RALGPS2: variants seen among roughly 807,000 people sequenced by gnomAD.
RALGPS2 encodes the protein Ral GEF with PH domain and SH3 binding motif 2.
A neutral mutation model predicts 86.8 loss-of-function variants in RALGPS2; 43 were observed. That is an observed-to-expected ratio of 0.50 (90% CI 0.39 to 0.64). The LOEUF (loss-of-function observed/expected upper bound fraction) is 0.64, where lower values mean the gene tolerates loss of function less well. Ranked by LOEUF, RALGPS2 falls within the 30% of genes least tolerant of loss-of-function variation. The probability of loss-of-function intolerance (pLI) is 0.00; values close to 1 mark genes in which losing one functional copy is unlikely to be tolerated. For missense variants in RALGPS2, 536 were observed against 694.6 expected (o/e 0.77, Z 2.57); for synonymous variants, 243 against 231.3 (o/e 1.05, Z -0.46).
intron 1 of RALGPS2, among the ~76,000 whole-genome samples, chr1:178,767,527 G>A (rs532637755): frequency 2.0e-5 from 3 of 152,200 alleles, no homozygotes; most frequent in South Asian, 2.1e-4. Flanking sequence ...TTTATTGGAT[G>A]TTCTGATCCA....
chr1:178,747,210 C>A (rs1036396667), intron 1 of RALGPS2: 2 of 1,317,706 alleles, frequency 1.5e-6, no homozygotes, highest in Non-Finnish European at 2.2e-6. Flanking sequence ...CGGTGGATCA[C>A]CACAGGTCCA....
chr1:178,893,920 T>C lies in RALGPS2; in HGVS notation c.1327T>C (p.Ser443Pro). ...GTGTTCTTTTCTTCGTTATTATAGT[T>C]CTGCAGAATCAGAAGATTTGGCAGT... ...GYRSHMKASS[S>P]AESEDLAVHL... Residue 443 changes from serine (S) to proline (P), a missense_variant and splice_region_variant, in exon 16 of 20, where the codon TCT becomes CCT. Physicochemically the swap from Ser to Pro is moderately conservative, Grantham distance 74. Coordinates refer to ENST00000367635, the MANE Select transcript of RALGPS2 (RefSeq NM_152663.5). 6.3e-7 allele frequency: 1 copy of C among 1,588,458 alleles called. No homozygotes were observed. The highest frequency in any genetic ancestry group is 8.6e-7 in the Non-Finnish European group (1 of 1,158,934).
At chr1:178,845,008 C>T (rs1307231118) in intron 8 of RALGPS2, among the ~76,000 whole-genome samples, 2 of 151,504 alleles carry the variant, frequency 1.3e-5, no homozygotes, top group South Asian at 2.1e-4. Flanking sequence ...GGCAAAACCA[C>T]GTCTCTACTA....
intron 8 of RALGPS2, chr1:178,852,842 T>C: frequency 1.9e-6 from 3 of 1,613,952 alleles, no homozygotes. Context: ...TAGACTTTTT[T>C]ATCACTCCAG....
Position 178,892,260 on chromosome 1 carries a change from G to A in RALGPS2, c.1278G>A (p.Val426=). Residue 426 remains valine (V), a synonymous_variant, in exon 15 of 20, where the codon GTG becomes GTA. Transcript: ENST00000367635. ...GATTATACCATTCTCTCGGCCCGGT[G>A]ACAAGAGTGGCACGAAATGGCTATC... ...RNRLYHSLGP[V]TRVARNGYRS... 1 of 1,612,736 alleles carries A rather than the reference G, an allele frequency of 6.2e-7. No homozygotes were observed. The highest frequency in any genetic ancestry group is 8.5e-7 in the Non-Finnish European group (1 of 1,179,114).
Position 178,906,708 on chromosome 1 carries a change from A to G in RALGPS2, c.1631-68A>G. The G allele has an allele frequency of 3.1e-6, 4 of 1,273,932 alleles. No homozygotes were observed. In the South Asian group the frequency reaches 3.9e-5, roughly 13 times the overall value. The allele number at this position is 1,273,932 out of a possible 1,614,324, so 78.9% of individuals were successfully genotyped here. A position where few individuals can be genotyped will look rare whatever the true frequency, so the allele number is the denominator to read the frequency against. The stretch of plus-strand genomic sequence containing the variant: ...AGTCATGTTTAATTTGCTCATTATT[A>G]TCTGGCAGAATTATTATGTGTCGTC... On this transcript the variant is annotated intron_variant, in intron 18 of 19. Coordinates refer to ENST00000367635, the MANE Select transcript of RALGPS2 (RefSeq NM_152663.5).
In RALGPS2 at chr1:178,917,409, T is replaced by C. The variant is rs1368289679; in HGVS notation, c.*1050T>C. The C allele has an allele frequency of 6.6e-6, 1 of 152,168 alleles. No homozygotes were observed. Among genetic ancestry groups the C allele is most frequent in the East Asian group, 1.9e-4 (1 of 5,202 alleles). 9.4% of individuals were successfully genotyped at this position (152,168 alleles called of 1,614,324 possible). A position where few individuals can be genotyped will look rare whatever the true frequency, so the allele number is the denominator to read the frequency against. ...TTTTATTATTCATTTTCTCTCTTTT[T>C]GTTCAATATGAGATTCAGGATCATA... is the stretch of plus-strand genomic sequence containing the variant. On this transcript the variant is annotated 3_prime_UTR_variant, in exon 20 of 20. Coordinates refer to ENST00000367635, the MANE Select transcript of RALGPS2 (RefSeq NM_152663.5).
At chr1:178,729,419 C>T (rs914190385) in intron 1 of RALGPS2, among the ~76,000 whole-genome samples, 2 of 152,020 alleles carry the variant, frequency 1.3e-5, no homozygotes, top group African/African-American at 2.4e-5. Flanking sequence ...GTATCTGACA[C>T]GTAGTGATGC....
Position 178,784,299 on chromosome 1 carries a change from T to C in RALGPS2, c.58-119T>C, listed in dbSNP as rs1653543001. On this transcript the variant is annotated intron_variant, in intron 2 of 19. Coordinates refer to ENST00000367635, the MANE Select transcript of RALGPS2 (RefSeq NM_152663.5). Reference sequence around the variant, plus strand: ...AACTAAGCAGCATGTTGTGCTCAGCTTTTCTGCAGCATTTGTTAACCTACT... The same window carrying C: ...AACTAAGCAGCATGTTGTGCTCAGCCTTTCTGCAGCATTTGTTAACCTACT... 6.5e-6 allele frequency: 4 copies of C among 616,182 alleles called. No homozygotes were observed. The East Asian group carries it at 1.2e-4, about 19-fold the overall frequency. The allele number at this position is 616,182 out of a possible 1,614,324, so 38.2% of individuals were successfully genotyped here.
At chr1:178,729,826 T>G (rs373993425) in intron 1 of RALGPS2, among the ~76,000 whole-genome samples, 2 of 152,278 alleles carry the variant, frequency 1.3e-5, no homozygotes, top group Admixed American at 6.5e-5. Context: ...CTCTGCCTCA[T>G]GTCTTTATGA....
At chr1:178,843,829 A>G (rs1229570467) in intron 8 of RALGPS2, among the ~76,000 whole-genome samples, 1 of 152,154 alleles carries the variant, frequency 6.6e-6, no homozygotes, top group Non-Finnish European at 1.5e-5. Flanking sequence ...ACTCCTGGGC[A>G]TAAATATTTG....
chr1:178,794,211 G>A (rs1457744085), intron 4 of RALGPS2, among the ~76,000 whole-genome samples: 1 of 152,052 alleles, frequency 6.6e-6, no homozygotes. Context: ...CTGCTTCCTG[G>A]GTTCAAGTGA....
At chr1:178,766,344 C>T (rs768309620) in intron 1 of RALGPS2, among the ~76,000 whole-genome samples, 20 of 151,874 alleles carry the variant, frequency 1.3e-4, no homozygotes, top group Non-Finnish European at 8.8e-5. Context: ...CTCAGCCTCG[C>T]GAGTAGCTGG....
chr1:178,905,874 A>G (rs1359469679), intron 18 of RALGPS2, among the ~76,000 whole-genome samples: 1 of 152,212 alleles, frequency 6.6e-6, no homozygotes, highest in Non-Finnish European at 1.5e-5. Context: ...TTCTTAAAAG[A>G]GAGAAAGTTG....
intron 1 of RALGPS2, among the ~76,000 whole-genome samples, chr1:178,726,669 A>G (rs1298231170): frequency 6.6e-6 from 1 of 151,962 alleles, no homozygotes; most frequent in Non-Finnish European, 1.5e-5. Flanking sequence ...TTTCCCCAAC[A>G]CTTTAGTTGC....
At chr1:178,857,193 G>A (rs1013419585) in intron 8 of RALGPS2, among the ~76,000 whole-genome samples, 1 of 152,140 alleles carries the variant, frequency 6.6e-6, no homozygotes, top group African/African-American at 2.4e-5. Context: ...GTGTAATGCA[G>A]GTAGTATATT....
chr1:178,806,735 T>C (rs1332112769), intron 4 of RALGPS2, among the ~76,000 whole-genome samples: 1 of 152,154 alleles, frequency 6.6e-6, no homozygotes, highest in Non-Finnish European at 1.5e-5. Context: ...TTGGCTTCTT[T>C]TTTTCTCAGT....
At chr1:178,810,728 G>C (rs1654937829) in intron 5 of RALGPS2, among the ~76,000 whole-genome samples, 1 of 151,816 alleles carries the variant, frequency 6.6e-6, no homozygotes, top group African/African-American at 2.4e-5. Context: ...AGTAAAATCT[G>C]AAATATTTCT....
Position 178,736,165 on chromosome 1 carries a change from G to GT in RALGPS2, c.-84+10762dup, listed in dbSNP as rs369513866. ...TGCTCTGTGTTTTAATTTGTGGGTT[G>GT]TTTTTTTTTTTTTTTTCTGAGACAG... is the stretch of plus-strand genomic sequence containing the variant. On this transcript the variant is annotated intron_variant, in intron 1 of 19. Coordinates refer to ENST00000367635, the MANE Select transcript of RALGPS2 (RefSeq NM_152663.5). Among the ~76,000 whole-genome samples the GT allele has an allele frequency of 9.6e-3, 1,289 of 134,722 alleles. 17 individuals carry two copies. The highest frequency in any genetic ancestry group is 0.025 in the African/African-American group (939 of 36,960). The allele number at this position is 134,722 out of a possible 152,430, so 88.4% of individuals were successfully genotyped here. A position where few individuals can be genotyped will look rare whatever the true frequency, so the allele number is the denominator to read the frequency against.
Sources: allele counts gnomAD v4.1 joint callset (sites outside exome capture counted in the v4.1 genomes callset), GRCh38; gene constraint gnomAD v4.1.1; transcripts MANE v1.5; gene names NCBI Gene and HGNC (gene_info 2026-07-23, HGNC 2026-07-21).